Variants in INTS1 observed in about 807,000 individuals in gnomAD.
INTS1 encodes integrator complex subunit 1.
INTS1 carries 137 observed loss-of-function variants against 241.6 expected under a neutral mutation model. That is an observed-to-expected ratio of 0.57 (90% confidence interval 0.49 to 0.65). The LOEUF (loss-of-function observed/expected upper bound fraction) is 0.65. INTS1 is among the 30% of genes least tolerant of loss of function. INTS1 has a pLI of 0.00. For missense variants in INTS1, 3,073 were observed against 3,032.2 expected (o/e 1.01, Z -0.32); for synonymous variants, 1,692 against 1,337.8 (o/e 1.26, Z -5.78).
Position 1,481,530 on chromosome 7 carries a change from C to T in INTS1, c.3704-42G>A, listed in dbSNP as rs761094896. The T allele has an allele frequency of 1.3e-6, 2 of 1,567,102 alleles. No homozygotes were observed. The highest frequency in any genetic ancestry group is 3.4e-5 in the Admixed American group (2 of 58,048). On this transcript the variant is annotated intron_variant, in intron 27 of 47. Coordinates refer to ENST00000404767, the MANE Select transcript of INTS1 (RefSeq NM_001080453.3). This position sits in a 1 kb window ranked among gnomAD's most constrained non-coding sequence, Gnocchi z 6.8. ...TCCGTAACGCCACCCAAAACCCGGG[C>T]AATGCGCACTCGGGACCCCACCCGA...
At chr7:1,488,640 C>A (rs1782393881) in intron 18 of INTS1, among the ~76,000 whole-genome samples, 1 of 152,168 alleles carries the variant, frequency 6.6e-6, no homozygotes. Flanking sequence ...CACACCTGGT[C>A]CCCACAATAC....
chr7:1,482,044 C>T (rs1024345579), intron 27 of INTS1, among the ~76,000 whole-genome samples: 2 of 152,196 alleles, frequency 1.3e-5, no homozygotes, highest in Non-Finnish European at 2.9e-5. Context: ...AGCCTAGACC[C>T]CTTGGCAGTC....
chr7:1,474,357 G>A lies in INTS1; in HGVS notation c.5640C>T (p.His1880=), dbSNP rs748471901. ...AVAHPLLLLR[H]LPMIAALLHG... is the part of the protein sequence containing the mutation. Reference sequence around the variant, plus strand: ...GCAGGAGCGCCGCGATCATGGGCAGGTGCCTGCGGGCGCGGTGAGGGCCCA... The same window carrying A: ...GCAGGAGCGCCGCGATCATGGGCAGATGCCTGCGGGCGCGGTGAGGGCCCA... The change falls in exon 41 of 48, where the codon CAC becomes CAT. Residue 1880 remains histidine, a synonymous_variant. Coordinates refer to ENST00000404767, the MANE Select transcript of INTS1 (RefSeq NM_001080453.3). The A allele has an allele frequency of 3.8e-6, 6 of 1,589,496 alleles. No homozygotes were observed. In the East Asian group the frequency reaches 1.4e-4, roughly 36 times the overall value.
chr7:1,478,948 G>T, intron 31 of INTS1, 63 bp from the exon 32 acceptor site: 1 of 1,526,848 alleles, frequency 6.5e-7, no homozygotes. Context: ...CGGCACCCGA[G>T]GCCCAGAGCA....
chr7:1,490,165 C>A (rs1782478454), intron 16 of INTS1, among the ~76,000 whole-genome samples: 1 of 152,214 alleles, frequency 6.6e-6, no homozygotes, highest in Non-Finnish European at 1.5e-5. Flanking sequence ...GAAAGCAGAG[C>A]GGGCAGCACC....
chr7:1,477,425 G>A lies in INTS1; in HGVS notation c.4938+125C>T, dbSNP rs150246108. ...CTCTGGGTTGCTACAGGGACACATG[G>A]CCTGAGAGCAGGGGGGGTGCTGGGG... On this transcript the variant is annotated intron_variant, in intron 35 of 47. Coordinates refer to ENST00000404767, the MANE Select transcript of INTS1 (RefSeq NM_001080453.3). 159 of 1,124,384 alleles carry A rather than the reference G, an allele frequency of 1.4e-4. No individual in the cohort carries two copies. In the East Asian group the frequency reaches 4.2e-3, roughly 29 times the overall value. 69.7% of individuals were successfully genotyped at this position (1,124,384 alleles called of 1,614,324 possible). A position where few individuals can be genotyped will look rare whatever the true frequency, so the allele number is the denominator to read the frequency against.
Position 1,487,439 on chromosome 7 carries a change from G to C in INTS1, c.2527C>G (p.Arg843Gly), listed in dbSNP as rs750043714. Residue 843 changes from arginine (R) to glycine (G), a missense_variant, in exon 20 of 48, where the codon CGG becomes GGG. Physicochemically the swap from Arg to Gly is moderately radical, Grantham distance 125. Transcript: ENST00000404767. ...LTSLDPQGPPRRPPPHILDQV... is the reference protein window; with the variant it reads ...LTSLDPQGPPGRPPPHILDQV... ...TCCAGGATGTGAGGGGGAGGCCTCC[G>C]GGGGGGCCCCCTGAGGGCCACAGGG... is the stretch of plus-strand genomic sequence containing the variant. The C allele has an allele frequency of 3.1e-6, 5 of 1,607,858 alleles. No homozygotes were observed. Among genetic ancestry groups the C allele is most frequent in the Non-Finnish European group, 4.2e-6 (5 of 1,177,052 alleles).
At position 1,498,721 on chromosome 7, in the gene INTS1, G is replaced by A. The variant is rs1459923236; in HGVS notation, c.1269C>T (p.Phe423=). 9 of 1,554,190 alleles carry A rather than the reference G, an allele frequency of 5.8e-6. No homozygotes were observed. The highest frequency in any genetic ancestry group is 2.7e-5 in the African/African-American group (2 of 72,874). Residue 423 remains phenylalanine, a synonymous_variant, in exon 9 of 48, where the codon TTC becomes TTT. Transcript: ENST00000404767. The part of the protein sequence containing the change: ...RLKPKVLLNH[F]MLCIRELLSA... ...TCGCCACGCACCTGATGCACAGCAT[G>A]AAGTGGTTGAGGAGGACCTTGGGCT...
At chr7:1,495,299 G>C (rs1211512052) in intron 13 of INTS1, 134 bp downstream of exon 13, 1 of 1,086,510 alleles carries the variant, frequency 9.2e-7, no homozygotes, top group Admixed American at 2.8e-5. Context: ...GGCTTAGTGG[G>C]GTGTGGGGCA....
In INTS1 at chr7:1,493,107, C is replaced by T; in HGVS notation, c.2069-1G>A. 1 of 1,612,280 alleles carries T rather than the reference C, an allele frequency of 6.2e-7. No homozygotes were observed. Among genetic ancestry groups the T allele is most frequent in the South Asian group, 1.1e-5 (1 of 91,052 alleles). On this transcript the variant is annotated splice_acceptor_variant, in intron 15 of 47. Transcript: ENST00000404767. LOFTEE classifies it high-confidence loss of function. This position sits in a 1 kb window ranked among gnomAD's most constrained non-coding sequence, Gnocchi z 5.3. The stretch of plus-strand genomic sequence containing the variant: ...CTCCCCACCTTCAGCACCTCCACAT[C>T]TAAGACCAAGAGCCACACATGGGTT...
At chr7:1,475,431 G>A (rs968344362) in intron 39 of INTS1, among the ~76,000 whole-genome samples, 3 of 152,036 alleles carry the variant, frequency 2.0e-5, no homozygotes, top group African/African-American at 7.2e-5. Flanking sequence ...CAAATAAAAT[G>A]ACATATAAGT....
intron 45 of INTS1, 27 bp from the exon 46 acceptor site, chr7:1,471,251 G>C (rs1187123679): frequency 6.4e-7 from 1 of 1,554,782 alleles, no homozygotes; most frequent in South Asian, 1.2e-5. Flanking sequence ...TGGGAGGTGT[G>C]TGACCAAGGG....
chr7:1,481,303 G>T lies in INTS1; in HGVS notation c.3850+39C>A. ...GCCTGGCCGGGCTGGGGCTCGGTCA[G>T]CGTGTGTGAACCCACTCCGCAGGTC... On this transcript the variant is annotated intron_variant, in intron 28 of 47. Transcript: ENST00000404767. This position sits in a 1 kb window ranked among gnomAD's most constrained non-coding sequence, Gnocchi z 6.8. 1 of 1,610,760 alleles carries T rather than the reference G, an allele frequency of 6.2e-7. No homozygotes were observed. The highest frequency in any genetic ancestry group is 8.5e-7 in the Non-Finnish European group (1 of 1,178,776).
chr7:1,493,397 C>T lies in INTS1; in HGVS notation c.2069-291G>A, dbSNP rs1401825315. Among the ~76,000 whole-genome samples the T allele has an allele frequency of 6.6e-6, 1 of 152,084 alleles. No individual in the cohort carries two copies. The highest frequency in any genetic ancestry group is 2.4e-5 in the African/African-American group (1 of 41,408). ...GGCAGGGTGGGGACCCGCAAGCCCT[C>T]GGGGCAGAGCCACGGACGAGGCGCG... On this transcript the variant is annotated intron_variant, in intron 15 of 47. Coordinates refer to ENST00000404767, the MANE Select transcript of INTS1 (RefSeq NM_001080453.3). The surrounding 1 kb of genome is among the most constrained non-coding windows in gnomAD (Gnocchi z 5.3).
chr7:1,502,447 G>A (rs375959162), intron 3 of INTS1, among the ~76,000 whole-genome samples: 3 of 152,306 alleles, frequency 2.0e-5, no homozygotes, highest in South Asian at 2.1e-4. Context: ...CTTTTCAACT[G>A]AAAACAGGGA....
Position 1,476,643 on chromosome 7 carries a change from G to A in INTS1, c.5078C>T (p.Ala1693Val). Residue 1693 changes from alanine to valine, a missense_variant, in exon 37 of 48, where the codon GCC becomes GTC. By Grantham distance (64) the Ala-to-Val change is moderately conservative. Coordinates refer to ENST00000404767, the MANE Select transcript of INTS1 (RefSeq NM_001080453.3). ...GCAGGCCCAGAGGAAGTCCAGAGAG[G>A]CAGAGGGGTCGAACCTGTGGGGAGG... Reference protein sequence around the residue: ...KSREQRFDPSASLDFLWACIH... With the variant: ...KSREQRFDPSVSLDFLWACIH... 3.1e-6 allele frequency: 5 copies of A among 1,612,710 alleles called. No homozygotes were observed. Among genetic ancestry groups the A allele is most frequent in the Non-Finnish European group, 4.2e-6 (5 of 1,179,878 alleles).
intron 1 of INTS1, 36 bp from the exon 2 acceptor site, chr7:1,504,037 C>T: frequency 9.0e-7 from 1 of 1,106,816 alleles, no homozygotes; most frequent in African/African-American, 1.6e-5. Context: ...TTCCTTCACT[C>T]ATTCGCTCGT....
intron 12 of INTS1, 41 bp from the exon 13 acceptor site, chr7:1,495,594 G>A (rs1320248980): frequency 6.3e-7 from 1 of 1,583,852 alleles, no homozygotes; most frequent in Non-Finnish European, 8.6e-7. Flanking sequence ...CCGAGCCATG[G>A]GCCATGAGGG....
At chr7:1,479,011 A>C (rs1781868254) in intron 31 of INTS1, 126 bp from the exon 32 acceptor site, 1 of 1,071,886 alleles carries the variant, frequency 9.3e-7, no homozygotes, top group East Asian at 2.6e-5. Context: ...AGCCTGGGCC[A>C]ACCTCATCCC....
Sources: allele counts gnomAD v4.1 joint callset (sites outside exome capture counted in the v4.1 genomes callset), GRCh38; gene constraint gnomAD v4.1.1; non-coding constraint Gnocchi (gnomAD v3.1); transcripts MANE v1.5; gene names NCBI Gene and HGNC (gene_info 2026-07-23, HGNC 2026-07-21).